The following THSD7A variants were observed in gnomAD, a reference collection of about 807,000 sequenced individuals.
THSD7A encodes the protein thrombospondin type 1 domain containing 7A.
In THSD7A, 96 loss-of-function variants were observed where a neutral mutation model predicts 231.3. The observed-to-expected ratio is 0.41, with a 90% CI of 0.35 to 0.49. THSD7A has a LOEUF of 0.49. THSD7A is among the 20% of genes least tolerant of loss of function. The pLI is 0.05. For synonymous variants in THSD7A, 940 were observed against 743.3 expected (o/e 1.26, Z -4.30); for missense variants, 2,290 against 2,070.2 (o/e 1.11, Z -2.06).
intron 6 of THSD7A, among the ~76,000 whole-genome samples, chr7:11,525,306 T>C (rs1583905975): frequency 6.6e-6 from 1 of 152,230 alleles, no homozygotes; most frequent in East Asian, 1.9e-4. Context: ...TAAATGAACA[T>C]ATTAAAAATA....
At chr7:11,608,612 G>A (rs963346182) in intron 2 of THSD7A, among the ~76,000 whole-genome samples, 2 of 152,048 alleles carry the variant, frequency 1.3e-5, no homozygotes, top group African/African-American at 4.8e-5. Context: ...ATCATAAAAT[G>A]TAATTTATAA....
Position 11,714,959 on chromosome 7 carries a change from A to AT in THSD7A, c.191-77999dup, listed in dbSNP as rs537233692. On this transcript the variant is annotated intron_variant, in intron 1 of 27. Coordinates refer to ENST00000423059, the MANE Select transcript of THSD7A (RefSeq NM_015204.3). ...AGAAGGCACAGGAGAACAAACATTTATTTTCTCTCACACTGGGCTGTACAT... is the reference window on the plus strand; with the variant it reads ...AGAAGGCACAGGAGAACAAACATTTATTTTTCTCTCACACTGGGCTGTACAT... Among the ~76,000 whole-genome samples the AT allele has an allele frequency of 2.6e-3, 388 of 151,422 alleles. 1 individual carries two copies. Among genetic ancestry groups the AT allele is most frequent in the Non-Finnish European group, 4.3e-3 (289 of 67,580 alleles).
chr7:11,524,565 G>A (rs1788395311), intron 6 of THSD7A, among the ~76,000 whole-genome samples: 1 of 152,194 alleles, frequency 6.6e-6, no homozygotes, highest in Non-Finnish European at 1.5e-5. Context: ...AAGGTAGGTA[G>A]AGAGGTCATT....
chr7:11,483,367 C>T (rs1437606059), intron 6 of THSD7A, among the ~76,000 whole-genome samples: 4 of 152,186 alleles, frequency 2.6e-5, no homozygotes, highest in Non-Finnish European at 4.4e-5. Flanking sequence ...ATAGCCATTA[C>T]ATTGCAAGGC....
Position 11,399,638 on chromosome 7 carries a change from G to A in THSD7A, c.4411+2157C>T, listed in dbSNP as rs370935381. ...ACCATCTCACACCAGTTAGAATGGCGATCATTAAAAAGTCAGGAAACAACA... is the reference window on the plus strand; with the variant it reads ...ACCATCTCACACCAGTTAGAATGGCAATCATTAAAAAGTCAGGAAACAACA... On this transcript the variant is annotated intron_variant, in intron 23 of 27. Coordinates refer to ENST00000423059, the MANE Select transcript of THSD7A (RefSeq NM_015204.3). 1.0e-3 allele frequency among the ~76,000 whole-genome samples: 155 copies of A among 152,166 alleles called. 2 individuals are homozygous for A. The highest frequency in any genetic ancestry group is 2.2e-3 in the African/African-American group (91 of 41,524).
In THSD7A at chr7:11,474,701, C is replaced by A. The variant is rs191673871; in HGVS notation, c.2018-133G>T. 36 of 676,036 alleles carry A rather than the reference C, an allele frequency of 5.3e-5. 1 individual carries two copies. The Middle Eastern group carries it at 7.5e-4, about 14-fold the overall frequency. 41.9% of individuals were successfully genotyped at this position (676,036 alleles called of 1,614,324 possible). A position where few individuals can be genotyped will look rare whatever the true frequency, so the allele number is the denominator to read the frequency against. Reference sequence around the variant, plus strand: ...TCCCCACATCAAGTTCATAAATACACGCAATATTTATGTGAGATGCTTCAA... The same window carrying A: ...TCCCCACATCAAGTTCATAAATACAAGCAATATTTATGTGAGATGCTTCAA... On this transcript the variant is annotated intron_variant, in intron 7 of 27. Transcript: ENST00000423059. The surrounding 1 kb of genome is among the most constrained non-coding windows in gnomAD (Gnocchi z 4.1).
chr7:11,743,918 A>T (rs1336969733), intron 1 of THSD7A, among the ~76,000 whole-genome samples: 1 of 151,934 alleles, frequency 6.6e-6, no homozygotes, highest in Non-Finnish European at 1.5e-5. Context: ...GGCTTTGCGC[A>T]TATTGCTAAC....
rs541377200 is a variant in THSD7A, at chr7:11,671,078, G to C, written c.191-34117C>G. Among the ~76,000 whole-genome samples the C allele has an allele frequency of 7.9e-5, 12 of 152,294 alleles. No individual in the cohort carries two copies. In the South Asian group the frequency reaches 2.5e-3, roughly 32 times the overall value. Reference sequence around the variant, plus strand: ...CTAATAGTAGATAATGAAGAGCTCTGCTGCCATGTCCATGGAATACCTGAA... The same window carrying C: ...CTAATAGTAGATAATGAAGAGCTCTCCTGCCATGTCCATGGAATACCTGAA... On this transcript the variant is annotated intron_variant, in intron 1 of 27. Coordinates refer to ENST00000423059, the MANE Select transcript of THSD7A (RefSeq NM_015204.3).
At chr7:11,447,204 G>T (rs1250319836) in intron 12 of THSD7A, 26 bp downstream of exon 12, 2 of 1,609,142 alleles carry the variant, frequency 1.2e-6, no homozygotes, top group Non-Finnish European at 1.7e-6. Context: ...GACGTGTACT[G>T]GCTTTGGCAT....
chr7:11,585,937 C>T (rs1043353876), intron 4 of THSD7A, among the ~76,000 whole-genome samples: 109 of 151,700 alleles, frequency 7.2e-4, no homozygotes, highest in African/African-American at 2.5e-3. Flanking sequence ...TTTTTTTTTT[C>T]GCGTCAATGT....
At chr7:11,651,719 G>T (rs948546846) in intron 1 of THSD7A, among the ~76,000 whole-genome samples, 1 of 151,788 alleles carries the variant, frequency 6.6e-6, no homozygotes, top group African/African-American at 2.4e-5. Flanking sequence ...AAAAGTAAAG[G>T]GCCAATTATA....
In THSD7A at chr7:11,407,292, TG is replaced by T; in HGVS notation, c.3916+13del. 6.3e-7 allele frequency: 1 copy of T among 1,598,130 alleles called. No individual in the cohort carries two copies. The highest frequency in any genetic ancestry group is 8.6e-7 in the Non-Finnish European group (1 of 1,167,884). ...TTGACCAGTAGCCTAATATAAGTTA[TG>T]GTACAAACAAACCTGTGAGGCCACA... On this transcript the variant is annotated intron_variant, in intron 20 of 27. Transcript: ENST00000423059.
At chr7:11,611,887 T>TATC (rs1272879582) in intron 2 of THSD7A, among the ~76,000 whole-genome samples, 2 of 150,644 alleles carry the variant, frequency 1.3e-5, no homozygotes, top group Admixed American at 6.6e-5. Flanking sequence ...TCTATCTATC[T>TATC]GTCTATCTTT....
intron 13 of THSD7A, among the ~76,000 whole-genome samples, chr7:11,440,876 A>G (rs1454782603): frequency 2.0e-5 from 3 of 152,080 alleles, no homozygotes; most frequent in Non-Finnish European, 2.9e-5. Context: ...TTGAGAGGAT[A>G]TACTCCAGTT....
chr7:11,646,113 G>C (rs1782270626), intron 1 of THSD7A, among the ~76,000 whole-genome samples: 2 of 151,926 alleles, frequency 1.3e-5, no homozygotes, highest in Non-Finnish European at 2.9e-5. Flanking sequence ...AAACTCAGAA[G>C]AATTTGAGAG....
intron 1 of THSD7A, among the ~76,000 whole-genome samples, chr7:11,740,947 T>A (rs960668672): frequency 1.3e-5 from 2 of 151,980 alleles, no homozygotes; most frequent in Non-Finnish European, 2.9e-5. Flanking sequence ...TAACGCTGTT[T>A]ATGTGAAAAA....
At chr7:11,655,854 G>A (rs146619979) in intron 1 of THSD7A, among the ~76,000 whole-genome samples, 21 of 151,956 alleles carry the variant, frequency 1.4e-4, no homozygotes, top group African/African-American at 4.3e-4. Context: ...TACTTGCCAT[G>A]GTCATTGTTT....
At chr7:11,776,771 T>C (rs1783420453) in intron 1 of THSD7A, among the ~76,000 whole-genome samples, 1 of 152,200 alleles carries the variant, frequency 6.6e-6, no homozygotes, top group African/African-American at 2.4e-5. Flanking sequence ...ACTAGTAAAA[T>C]AGTTTTTATA....
chr7:11,397,899 A>C (rs1276735034), intron 23 of THSD7A, among the ~76,000 whole-genome samples: 6 of 152,218 alleles, frequency 3.9e-5, no homozygotes, highest in Admixed American at 3.9e-4. Context: ...GTCAGGAAAC[A>C]ATGGATGCTA....
Sources: gnomAD v4.1 joint callset for allele counts (sites outside exome capture counted in the v4.1 genomes callset) on GRCh38, gnomAD v4.1.1 for gene constraint, Gnocchi (gnomAD v3.1) non-coding constraint, MANE v1.5 for transcripts, NCBI Gene and HGNC (gene_info 2026-07-23, HGNC 2026-07-21) for gene names.